Variants in HNRNPL observed in about 807,000 individuals in gnomAD.
The protein encoded by HNRNPL is epididymis secretory sperm binding protein.
A neutral mutation model predicts 64.0 loss-of-function variants in HNRNPL; 12 were observed. That is an observed-to-expected ratio of 0.19 (90% CI 0.12 to 0.30). HNRNPL has a LOEUF of 0.30. Among genes scored for constraint, HNRNPL ranks in the 10% least tolerant of loss-of-function variants. The probability of loss-of-function intolerance (pLI) is 1.00; values close to 1 mark genes in which losing one functional copy is unlikely to be tolerated. For synonymous variants in HNRNPL, 385 were observed against 313.0 expected (o/e 1.23, Z -2.43); for missense variants, 484 against 797.4 (o/e 0.61, Z 4.73).
chr19:38,839,456 G>T, intron 8 of HNRNPL: 2 of 176,796 alleles, frequency 1.1e-5, no homozygotes, highest in Non-Finnish European at 2.4e-5. Flanking sequence ...AAGGCTATGT[G>T]AACCTGGGCG....
At chr19:38,839,918 C>T (rs573196332) in intron 8 of HNRNPL, among the ~76,000 whole-genome samples, 178 bp downstream of exon 8, 10 of 152,142 alleles carry the variant, frequency 6.6e-5, no homozygotes, top group African/African-American at 2.4e-4. Flanking sequence ...AACACAACAC[C>T]CACATACAGT....
At chr19:38,843,150 T>C (rs909536894) in intron 6 of HNRNPL, among the ~76,000 whole-genome samples, 33 of 152,072 alleles carry the variant, frequency 2.2e-4, no homozygotes, top group Admixed American at 1.6e-3. Flanking sequence ...GTCCGACGTA[T>C]CAGACCAAGA....
chr19:38,843,273 A>G (rs1972174721), intron 6 of HNRNPL: 1 of 154,466 alleles, frequency 6.5e-6, no homozygotes, highest in South Asian at 2.0e-4. Flanking sequence ...CTAGGAAGGG[A>G]GTTGTCCATT....
intron 1 of HNRNPL, 98 bp from the exon 2 acceptor site, chr19:38,847,532 T>C (rs916104719): frequency 1.6e-5 from 10 of 623,822 alleles, no homozygotes; most frequent in East Asian, 1.2e-4. Context: ...ATAAAACAGT[T>C]GGAGGTCATC....
intron 2 of HNRNPL, 56 bp from the exon 3 acceptor site, chr19:38,846,146 G>T: frequency 3.0e-6 from 4 of 1,324,440 alleles, no homozygotes; most frequent in South Asian, 2.3e-5. Flanking sequence ...CAGGAGGAGG[G>T]TATCATTTGA....
chr19:38,850,418 C>G, upstream of HNRNPL: 1 of 163,138 alleles, frequency 6.1e-6, no homozygotes, highest in Non-Finnish European at 1.3e-5. Context: ...CTTTTTTGGT[C>G]TCTCTCCAGT....
At chr19:38,838,195 G>A (rs1157683791) in intron 10 of HNRNPL, among the ~76,000 whole-genome samples, 1 of 152,256 alleles carries the variant, frequency 6.6e-6, no homozygotes, top group Non-Finnish European at 1.5e-5. Context: ...GGTGTTGCTA[G>A]AAACTTGGTG....
chr19:38,850,290 A>C (rs1470353245), upstream of HNRNPL: 1 of 286,618 alleles, frequency 3.5e-6, no homozygotes, highest in East Asian at 5.9e-5. Context: ...GGCGCTCTAA[A>C]CCTCCCAAGA....
chr19:38,848,589 G>A (rs1239833749), intron 1 of HNRNPL, among the ~76,000 whole-genome samples: 3 of 152,204 alleles, frequency 2.0e-5, no homozygotes, highest in African/African-American at 7.2e-5. Flanking sequence ...GTGGAAGGTG[G>A]GTAGAATTGG....
intron 2 of HNRNPL, among the ~76,000 whole-genome samples, chr19:38,846,911 A>C (rs1208286058): frequency 6.6e-6 from 1 of 151,486 alleles, no homozygotes; most frequent in Non-Finnish European, 1.5e-5. Context: ...GTCTCAAAAC[A>C]AACAAACAAA....
At chr19:38,836,960 T>C (rs1233450207) in intron 12 of HNRNPL, 180 bp from the exon 13 acceptor site, 5 of 566,976 alleles carry the variant, frequency 8.8e-6, no homozygotes, top group East Asian at 3.0e-5. Flanking sequence ...CGTTTCTCCT[T>C]CTCTTCCTTC....
chr19:38,851,594 G>A (rs1013108377), upstream of HNRNPL, among the ~76,000 whole-genome samples: 6 of 152,200 alleles, frequency 3.9e-5, no homozygotes, highest in Non-Finnish European at 7.4e-5. Flanking sequence ...TGAGGTCCGG[G>A]TGGAAACTAA....
chr19:38,843,832 T>C lies in HNRNPL; in HGVS notation c.880+10A>G, dbSNP rs1371272053. 3 of 1,611,422 alleles carry C rather than the reference T, an allele frequency of 1.9e-6. No individual in the cohort carries two copies. Among genetic ancestry groups the C allele is most frequent in the Non-Finnish European group, 8.5e-7 (1 of 1,177,510 alleles). ...GGGTATGTTTAGAACAAAGTGGTCG[T>C]CAAGATTACCTTGTCCACTGAGATT... On this transcript the variant is annotated intron_variant, in intron 6 of 12. Transcript: ENST00000221419.
Position 38,838,949 on chromosome 19 carries a change from G to A in HNRNPL, c.1300C>T (p.Arg434Trp). The change falls in exon 9 of 13, where the codon CGG (arginine) becomes TGG (tryptophan). Residue 434 changes from arginine (R) to tryptophan (W), a missense_variant. Physicochemically the swap from Arg to Trp is moderately radical, Grantham distance 101. Transcript: ENST00000221419. Reference sequence around the variant, plus strand: ...TTGTTGTTGAGGTGGGTAATGGCCCGGTCTACAGCGTAGCCATCAGCCATC... The same window carrying A: ...TTGTTGTTGAGGTGGGTAATGGCCCAGTCTACAGCGTAGCCATCAGCCATC... The part of the protein sequence containing the change: ...VEMADGYAVD[R>W]AITHLNNNFM... 4 of 1,614,092 alleles carry A rather than the reference G, an allele frequency of 2.5e-6. No individual in the cohort carries two copies. The highest frequency in any genetic ancestry group is 3.4e-6 in the Non-Finnish European group (4 of 1,180,012).
intron 2 of HNRNPL, among the ~76,000 whole-genome samples, chr19:38,847,059 G>C (rs1972321455): frequency 6.6e-6 from 1 of 152,202 alleles, no homozygotes; most frequent in South Asian, 2.1e-4. Flanking sequence ...GGGCCACAAA[G>C]CGAGACCTTG....
intron 2 of HNRNPL, among the ~76,000 whole-genome samples, chr19:38,847,095 C>A (rs976513730): frequency 1.3e-5 from 2 of 152,106 alleles, no homozygotes; most frequent in African/African-American, 4.8e-5. Flanking sequence ...AGAACACTGA[C>A]TAGAAACTAC....
At chr19:38,845,136 T>C (rs1972247884) in intron 4 of HNRNPL, 1 of 152,594 alleles carries the variant, frequency 6.6e-6, no homozygotes, top group Non-Finnish European at 1.5e-5. Context: ...AATAAATTCC[T>C]AGCCAGGCGC....
At chr19:38,840,415 A>T (rs1329087388) in intron 7 of HNRNPL, 39 bp from the exon 8 acceptor site, 1 of 1,568,270 alleles carries the variant, frequency 6.4e-7, no homozygotes, top group Non-Finnish European at 8.7e-7. Flanking sequence ...GACGGGTGAG[A>T]ATTTGCACGG....
At chr19:38,844,335 C>T (rs1972214728) in intron 4 of HNRNPL, among the ~76,000 whole-genome samples, 1 of 152,182 alleles carries the variant, frequency 6.6e-6, no homozygotes, top group Non-Finnish European at 1.5e-5. Context: ...TCATAATCTG[C>T]ACCCCGACCC....
Sources: gnomAD v4.1 joint callset for allele counts (sites outside exome capture counted in the v4.1 genomes callset) on GRCh38, gnomAD v4.1.1 for gene constraint, MANE v1.5 for transcripts, NCBI Gene and HGNC (gene_info 2026-07-23, HGNC 2026-07-21) for gene names.